The following SGCZ variants were observed in gnomAD, a reference collection of about 807,000 sequenced individuals.
SGCZ encodes the protein zeta-sarcoglycan.
SGCZ carries 40 observed loss-of-function variants against 41.3 expected under a neutral mutation model. That is an observed-to-expected ratio of 0.97 (90% CI 0.75 to 1.26). SGCZ has a LOEUF of 1.26. Among genes scored for constraint, SGCZ ranks in the 50% most tolerant of loss-of-function variants. The pLI, the probability that SGCZ is intolerant of heterozygous loss-of-function variation, is 0.00. For missense variants in SGCZ, 552 were observed against 369.8 expected (o/e 1.49, Z -4.04); for synonymous variants, 206 against 137.5 (o/e 1.50, Z -3.49).
intron 2 of SGCZ, among the ~76,000 whole-genome samples, chr8:14,540,051 T>A (rs1409349969): frequency 1.3e-5 from 2 of 151,902 alleles, no homozygotes; most frequent in African/African-American, 4.8e-5. Context: ...ATGAAGAATT[T>A]AAAATTCAAG....
At chr8:14,601,895 C>T (rs552330210) in intron 1 of SGCZ, among the ~76,000 whole-genome samples, 32 of 152,088 alleles carry the variant, frequency 2.1e-4, no homozygotes, top group South Asian at 6.2e-4. Flanking sequence ...CCGAGGCGGG[C>T]GGATCACGAG....
intron 3 of SGCZ, among the ~76,000 whole-genome samples, chr8:14,267,021 A>G (rs1363641393): frequency 1.3e-5 from 2 of 152,102 alleles, no homozygotes; most frequent in African/African-American, 2.4e-5. Context: ...CTCATAAATC[A>G]TATCATCTTA....
intron 1 of SGCZ, among the ~76,000 whole-genome samples, chr8:14,691,201 G>A (rs933804522): frequency 2.0e-5 from 3 of 152,040 alleles, no homozygotes; most frequent in African/African-American, 4.8e-5. Flanking sequence ...ACAATACTTC[G>A]ATAAGGCACT....
At chr8:14,974,735 G>A (rs2130869670) in intron 1 of SGCZ, among the ~76,000 whole-genome samples, 1 of 152,048 alleles carries the variant, frequency 6.6e-6, no homozygotes, top group Admixed American at 6.5e-5. Flanking sequence ...ACCACCCTAT[G>A]AGGCACACAT....
At chr8:14,322,113 A>C (rs1791496609) in intron 3 of SGCZ, among the ~76,000 whole-genome samples, 1 of 152,154 alleles carries the variant, frequency 6.6e-6, no homozygotes, top group Non-Finnish European at 1.5e-5. Flanking sequence ...TGTGGAAGGC[A>C]GTCTGGAGAT....
At position 14,399,183 on chromosome 8, in the gene SGCZ, T is replaced by A. The variant is rs192780925; in HGVS notation, c.235-74979A>T. Among the ~76,000 whole-genome samples, 242 of 152,272 alleles carry A rather than the reference T, an allele frequency of 1.6e-3. 2 individuals carry two copies. The highest frequency in any genetic ancestry group is 5.6e-3 in the African/African-American group (234 of 41,572). ...TTAAAATATTGTTGTGTATCTTTCA[T>A]CAGATTATTTTCCTGTTAAGTGTCA... On this transcript the variant is annotated intron_variant, in intron 2 of 7. Coordinates refer to ENST00000382080, the MANE Select transcript of SGCZ (RefSeq NM_139167.4).
intron 3 of SGCZ, among the ~76,000 whole-genome samples, chr8:14,251,147 G>C (rs755246725): frequency 1.3e-5 from 2 of 152,136 alleles, no homozygotes; most frequent in Non-Finnish European, 2.9e-5. Flanking sequence ...AGAATTGCTT[G>C]AACTCGGGAG....
intron 2 of SGCZ, among the ~76,000 whole-genome samples, chr8:14,527,394 T>G (rs570725212): frequency 1.3e-5 from 2 of 152,174 alleles, no homozygotes; most frequent in African/African-American, 2.4e-5. Flanking sequence ...CTCAAACTCC[T>G]GGGCTCAAGC....
chr8:14,302,230 T>C (rs1801216838), intron 3 of SGCZ, among the ~76,000 whole-genome samples: 1 of 152,168 alleles, frequency 6.6e-6, no homozygotes, highest in South Asian at 2.1e-4. Context: ...CAGAATAATA[T>C]ACCCTCTAAC....
intron 2 of SGCZ, among the ~76,000 whole-genome samples, chr8:14,413,647 C>A (rs10109761): frequency 6.6e-6 from 1 of 151,742 alleles, no homozygotes; most frequent in East Asian, 1.9e-4. Flanking sequence ...CTTGAAAATG[C>A]TCAACATTTT....
At chr8:14,749,847 C>CTCAACATAAGTAACA (rs1799447836) in intron 1 of SGCZ, among the ~76,000 whole-genome samples, 1 of 152,000 alleles carries the variant, frequency 6.6e-6, no homozygotes, top group Non-Finnish European at 1.5e-5. Context: ...CACATTTTAT[C>CTCAACATAAGTAACA]CTTGAAATCT....
intron 1 of SGCZ, among the ~76,000 whole-genome samples, chr8:14,712,492 C>A (rs947999351): frequency 3.9e-5 from 6 of 152,102 alleles, no homozygotes; most frequent in Admixed American, 1.3e-4. Flanking sequence ...GCCAGTAGGG[C>A]AGTTATGTAG....
chr8:15,202,559 T>C (rs1585669439), intron 1 of SGCZ, among the ~76,000 whole-genome samples: 2 of 152,202 alleles, frequency 1.3e-5, no homozygotes, highest in South Asian at 4.1e-4. Context: ...GTACACTTCT[T>C]GGATGAGAGG....
chr8:14,567,103 C>T (rs530912245), intron 1 of SGCZ, among the ~76,000 whole-genome samples: 3 of 152,326 alleles, frequency 2.0e-5, no homozygotes, highest in African/African-American at 4.8e-5. Flanking sequence ...ACCTGCAGCC[C>T]GCCATGCCTG....
chr8:14,997,239 C>G (rs1295034176), intron 1 of SGCZ, among the ~76,000 whole-genome samples: 2 of 152,146 alleles, frequency 1.3e-5, no homozygotes, highest in African/African-American at 2.4e-5. Context: ...TTCTAGGTTC[C>G]TTTAAAATTA....
intron 1 of SGCZ, among the ~76,000 whole-genome samples, chr8:14,854,041 A>ATAT (rs1803452589): frequency 6.9e-6 from 1 of 144,116 alleles, no homozygotes; most frequent in East Asian, 2.0e-4. Flanking sequence ...ATATATATAT[A>ATAT]TATATATATA....
intron 3 of SGCZ, among the ~76,000 whole-genome samples, chr8:14,244,336 C>A (rs1585272322): frequency 6.6e-6 from 1 of 152,058 alleles, no homozygotes; most frequent in African/African-American, 2.4e-5. Context: ...TGAAACAAGT[C>A]ATATCAAATT....
chr8:15,009,703 G>T (rs1385891558), intron 1 of SGCZ, among the ~76,000 whole-genome samples: 2 of 152,168 alleles, frequency 1.3e-5, no homozygotes, highest in African/African-American at 4.8e-5. Context: ...GCTCCTGAAA[G>T]TTTATTCCTT....
chr8:14,683,844 C>G (rs547831893), intron 1 of SGCZ, among the ~76,000 whole-genome samples: 2 of 152,096 alleles, frequency 1.3e-5, no homozygotes, highest in Admixed American at 1.3e-4. Flanking sequence ...ATTAGCTTAT[C>G]TGGAACTAGA....
Sources: allele counts gnomAD v4.1 joint callset (sites outside exome capture counted in the v4.1 genomes callset), GRCh38; gene constraint gnomAD v4.1.1; transcripts MANE v1.5; gene names NCBI Gene and HGNC (gene_info 2026-07-23, HGNC 2026-07-21).